Variants in LRRC7 observed in about 807,000 individuals in gnomAD.
The protein encoded by LRRC7 is leucine-rich repeat-containing protein 7.
LRRC7 carries 23 observed loss-of-function variants against 175.7 expected under a neutral mutation model. That is an observed-to-expected ratio of 0.13 (90% CI 0.09 to 0.19). LRRC7 has a LOEUF of 0.19. Among genes scored for constraint, LRRC7 ranks in the 10% least tolerant of loss-of-function variants. LRRC7 has a pLI of 1.00. For missense variants in LRRC7, 1,354 were observed against 1,904.7 expected (o/e 0.71, Z 5.38); for synonymous variants, 685 against 680.9 (o/e 1.01, Z -0.09).
intron 7 of LRRC7, among the ~76,000 whole-genome samples, chr1:69,848,616 T>C (rs1682629724): frequency 6.6e-6 from 1 of 152,122 alleles, no homozygotes; most frequent in Admixed American, 6.6e-5. Flanking sequence ...GAAATGTATC[T>C]AACTCTCCAT....
intron 7 of LRRC7, among the ~76,000 whole-genome samples, chr1:69,856,869 A>G (rs1342441208): frequency 6.6e-6 from 1 of 152,192 alleles, no homozygotes; most frequent in Non-Finnish European, 1.5e-5. Context: ...CCTCAATAAA[A>G]TACTGGCAAA....
intron 8 of LRRC7, among the ~76,000 whole-genome samples, chr1:69,979,167 C>A (rs1450592461): frequency 1.3e-5 from 2 of 152,164 alleles, no homozygotes; most frequent in Non-Finnish European, 2.9e-5. Context: ...ATGTTCCCAT[C>A]CTGGATCAAT....
At chr1:70,068,485 T>C (rs1662137993) in intron 23 of LRRC7, among the ~76,000 whole-genome samples, 1 of 152,178 alleles carries the variant, frequency 6.6e-6, no homozygotes, top group African/African-American at 2.4e-5. Context: ...TTTTATATAT[T>C]GCTAAATTTT....
intron 7 of LRRC7, among the ~76,000 whole-genome samples, chr1:69,853,381 C>T (rs562410953): frequency 1.6e-4 from 23 of 145,544 alleles, no homozygotes; most frequent in Admixed American, 1.0e-3. Context: ...TGGGTTCAAG[C>T]GATTCTCCTG....
chr1:70,041,989 C>G (rs912346098), intron 21 of LRRC7, among the ~76,000 whole-genome samples: 2 of 152,192 alleles, frequency 1.3e-5, no homozygotes, highest in African/African-American at 4.8e-5. Flanking sequence ...CTGAGTTGAT[C>G]TTCATATAAC....
intron 23 of LRRC7, among the ~76,000 whole-genome samples, chr1:70,063,622 A>G (rs1661746907): frequency 6.6e-6 from 1 of 152,026 alleles, no homozygotes; most frequent in East Asian, 1.9e-4. Context: ...TTGCCACTTG[A>G]TCTTTGTCTG....
At chr1:69,587,926 T>C (rs1313753455) in intron 1 of LRRC7, among the ~76,000 whole-genome samples, 1 of 152,202 alleles carries the variant, frequency 6.6e-6, no homozygotes, top group East Asian at 1.9e-4. Context: ...GGTATCTTTA[T>C]AGCAGTGTTA....
At chr1:69,792,214 C>T (rs1675210445) in intron 4 of LRRC7, 54 bp downstream of exon 4, 3 of 962,508 alleles carry the variant, frequency 3.1e-6, no homozygotes, top group Non-Finnish European at 4.9e-6. Context: ...TGAAAATGTG[C>T]TTTAATATCT....
At position 69,865,469 on chromosome 1, in the gene LRRC7, C is replaced by CTTTTTTTTTTTTTTTT. The variant is rs532063540; in HGVS notation, c.647+27196_647+27211dup. Among the ~76,000 whole-genome samples the CTTTTTTTTTTTTTTTT allele has an allele frequency of 1.3e-3, 69 of 51,264 alleles. 19 individuals carry two copies. The highest frequency in any genetic ancestry group is 3.7e-3 in the South Asian group (4 of 1,086). The allele number at this position is 51,264 out of a possible 152,430, so 33.6% of individuals were successfully genotyped here. ...ATAAGCAAGCTGCTGAAGACAGTTCCTTTTTTTTTTTTTTTTTTTTTTTTT... is the reference window on the plus strand; with the variant it reads ...ATAAGCAAGCTGCTGAAGACAGTTCCTTTTTTTTTTTTTTTTTTTTTTTTTTTTTTTTTTTTTTTTT... On this transcript the variant is annotated intron_variant, in intron 7 of 26. Transcript: ENST00000651989.
intron 2 of LRRC7, among the ~76,000 whole-genome samples, chr1:69,708,632 T>C (rs565546441): frequency 2.0e-5 from 3 of 152,182 alleles, no homozygotes; most frequent in Non-Finnish European, 4.4e-5. Context: ...TGAGCATTGG[T>C]TGGGGGCCTG....
intron 2 of LRRC7, among the ~76,000 whole-genome samples, chr1:69,690,278 A>G (rs1661681437): frequency 6.6e-6 from 1 of 152,212 alleles, no homozygotes; most frequent in African/African-American, 2.4e-5. Context: ...TAAAAAATGC[A>G]AATGTCTCTG....
intron 1 of LRRC7, among the ~76,000 whole-genome samples, chr1:69,675,459 A>C (rs867705003): frequency 3.0e-4 from 46 of 152,162 alleles, no homozygotes; most frequent in African/African-American, 1.1e-3. Flanking sequence ...AACCAACATA[A>C]CTTGTCATTC....
rs183619392 is a variant in LRRC7 at position 69,686,600 on chromosome 1, A to C, written c.100+8122A>C. Among the ~76,000 whole-genome samples the C allele has an allele frequency of 2.6e-5, 4 of 152,238 alleles. No individual in the cohort carries two copies. In the East Asian group the frequency reaches 7.7e-4, roughly 29 times the overall value. ...CACTAAGAAGACTACAAAATAATAC[A>C]CTCAAAAACATTATAAGTAAATCAA... is the stretch of plus-strand genomic sequence containing the variant. On this transcript the variant is annotated intron_variant, in intron 2 of 26. Coordinates refer to ENST00000651989, the MANE Select transcript of LRRC7 (RefSeq NM_001370785.2).
chr1:70,058,752 T>C (rs1399570456), intron 23 of LRRC7, among the ~76,000 whole-genome samples: 1 of 152,242 alleles, frequency 6.6e-6, no homozygotes, highest in Non-Finnish European at 1.5e-5. Flanking sequence ...CATTTTATAT[T>C]TCCCTCCTAT....
chr1:69,991,526 C>A (rs925443373), intron 10 of LRRC7, among the ~76,000 whole-genome samples: 2 of 152,020 alleles, frequency 1.3e-5, no homozygotes, highest in African/African-American at 4.8e-5. Context: ...AGCTGACTCT[C>A]CTCAGAGAAT....
At chr1:69,915,701 C>A (rs766611410) in intron 7 of LRRC7, among the ~76,000 whole-genome samples, 5 of 151,940 alleles carry the variant, frequency 3.3e-5, no homozygotes, top group Non-Finnish European at 5.9e-5. Flanking sequence ...ACTTATAAAT[C>A]CTTGGAAAAA....
chr1:70,046,770 C>A (rs1660363446), intron 22 of LRRC7, among the ~76,000 whole-genome samples: 1 of 152,056 alleles, frequency 6.6e-6, no homozygotes, highest in Non-Finnish European at 1.5e-5. Flanking sequence ...GCTTCTGTCC[C>A]TTCACTTTTG....
At chr1:70,024,856 T>C (rs1264782030) in intron 17 of LRRC7, among the ~76,000 whole-genome samples, 1 of 152,138 alleles carries the variant, frequency 6.6e-6, no homozygotes, top group Non-Finnish European at 1.5e-5. Flanking sequence ...TGCATAGAAC[T>C]TCCAAACATA....
chr1:69,665,277 C>A (rs577502861), intron 1 of LRRC7, among the ~76,000 whole-genome samples: 3 of 151,942 alleles, frequency 2.0e-5, no homozygotes, highest in Non-Finnish European at 2.9e-5. Flanking sequence ...GGATGGCTTT[C>A]GCTATTCTGA....
Sources: gnomAD v4.1 joint callset for allele counts (sites outside exome capture counted in the v4.1 genomes callset) on GRCh38, gnomAD v4.1.1 for gene constraint, MANE v1.5 for transcripts, NCBI Gene and HGNC (gene_info 2026-07-23, HGNC 2026-07-21) for gene names.